IL15: variants seen among roughly 807,000 people sequenced by gnomAD.
IL15 encodes the protein interleukin 15.
A neutral mutation model predicts 19.6 loss-of-function variants in IL15; 11 were observed. The ratio of observed to expected loss-of-function variants is 0.56; its 90% CI spans 0.35 to 0.93. The LOEUF is 0.93. Among genes scored for constraint, IL15 ranks in the 40% least tolerant of loss-of-function variants. IL15 has a pLI of 0.01. For synonymous variants in IL15, 58 were observed against 59.6 expected, an observed-to-expected ratio of 0.97 and a Z score of 0.12; for missense variants, 197 against 186.5, an observed-to-expected ratio of 1.06 and a Z score of -0.33.
chr4:141,712,177 C>G (rs17007561), intron 2 of IL15, among the ~76,000 whole-genome samples: 26,537 of 152,072 alleles, frequency 0.17, 2,822 homozygotes, highest in African/African-American at 0.29. Context: ...GGAATTTCTA[C>G]ACCTATCTAT....
chr4:141,693,016 C>CAAAAAAAAAGAAAAAA (rs1728969023), intron 2 of IL15, among the ~76,000 whole-genome samples: 1 of 23,232 alleles, frequency 4.3e-5, no homozygotes, highest in Non-Finnish European at 7.7e-5. Context: ...GACTCCGTCT[C>CAAAAAAAAAGAAAAAA]AAAAAAAAAA....
intron 2 of IL15, among the ~76,000 whole-genome samples, chr4:141,658,319 T>A (rs966744233): frequency 6.6e-6 from 1 of 151,948 alleles, no homozygotes; most frequent in Non-Finnish European, 1.5e-5. Context: ...CAATTAAACA[T>A]TTTTTTCTTT....
chr4:141,681,268 T>G (rs2152172489), intron 2 of IL15, among the ~76,000 whole-genome samples: 1 of 151,976 alleles, frequency 6.6e-6, no homozygotes, highest in East Asian at 1.9e-4. Flanking sequence ...TTCTAATAAG[T>G]TGGCATGTTT....
At chr4:141,652,961 A>G (rs964728035) in intron 1 of IL15, among the ~76,000 whole-genome samples, 1 of 152,188 alleles carries the variant, frequency 6.6e-6, no homozygotes, top group Non-Finnish European at 1.5e-5. Flanking sequence ...AGCAGGTAAT[A>G]AGAAATGTGC....
intron 2 of IL15, among the ~76,000 whole-genome samples, chr4:141,691,120 C>T (rs1031525972): frequency 1.1e-4 from 1 of 9,024 alleles, no homozygotes; most frequent in African/African-American, 9.2e-4. Flanking sequence ...GAAGCAGGCA[C>T]CTTCTTCACA....
chr4:141,728,390 A>G (rs1396138405), intron 6 of IL15, among the ~76,000 whole-genome samples: 1 of 152,110 alleles, frequency 6.6e-6, no homozygotes, highest in African/African-American at 2.4e-5. Flanking sequence ...ATTGCTTAAA[A>G]TCATTCATGT....
At position 141,732,717 on chromosome 4, in the gene IL15, ATCTC is replaced by A. The variant is rs545619331; in HGVS notation, c.379-15_379-12del. ...AATTTAATTATAAATTGCCAATTTA[ATCTC>A]TCTCTATATTTTGCAGAATGTAACA... On this transcript the variant is annotated splice_polypyrimidine_tract_variant and intron_variant, in intron 7 of 7. Transcript: ENST00000320650. 2 of 1,600,808 alleles carry A rather than the reference ATCTC, an allele frequency of 1.2e-6. No individual in the cohort carries two copies. Among genetic ancestry groups the A allele is most frequent in the Non-Finnish European group, 1.7e-6 (2 of 1,176,720 alleles).
intron 2 of IL15, among the ~76,000 whole-genome samples, chr4:141,680,867 C>G (rs1323351246): frequency 6.6e-6 from 1 of 152,158 alleles, no homozygotes; most frequent in East Asian, 1.9e-4. Flanking sequence ...CTAGGTAGAG[C>G]TCCTCAGAAG....
At chr4:141,652,048 G>A (rs1401681180) in intron 1 of IL15, among the ~76,000 whole-genome samples, 1 of 152,102 alleles carries the variant, frequency 6.6e-6, no homozygotes, top group Non-Finnish European at 1.5e-5. Context: ...CCAAGTGTTT[G>A]ATGTCTACAA....
At chr4:141,655,959 A>G (rs891723927) in intron 1 of IL15, among the ~76,000 whole-genome samples, 1 of 152,206 alleles carries the variant, frequency 6.6e-6, no homozygotes, top group Admixed American at 6.5e-5. Flanking sequence ...CTCCAAAATG[A>G]TGTAGCTTTA....
intron 4 of IL15, 161 bp downstream of exon 4, chr4:141,720,727 G>A: frequency 3.1e-6 from 2 of 639,872 alleles, no homozygotes; most frequent in African/African-American, 1.9e-5. Context: ...AGAGAGGTTT[G>A]GTAAACACCT....
At chr4:141,678,842 C>T (rs562768443) in intron 2 of IL15, among the ~76,000 whole-genome samples, 8 of 152,252 alleles carry the variant, frequency 5.3e-5, no homozygotes, top group East Asian at 3.9e-4. Context: ...CCTTGTGATC[C>T]GCCTGCCCAG....
intron 2 of IL15, among the ~76,000 whole-genome samples, chr4:141,660,144 A>C (rs1377791981): frequency 6.6e-6 from 1 of 152,190 alleles, no homozygotes. Context: ...TGGATAGTCA[A>C]CTGGGGAATG....
chr4:141,679,661 G>A (rs1728470545), intron 2 of IL15, among the ~76,000 whole-genome samples: 1 of 152,094 alleles, frequency 6.6e-6, no homozygotes, highest in Non-Finnish European at 1.5e-5. Flanking sequence ...TAGGATACAT[G>A]ACCAAAATAT....
At chr4:141,682,117 G>A (rs143207259) in intron 2 of IL15, among the ~76,000 whole-genome samples, 189 of 152,190 alleles carry the variant, frequency 1.2e-3, no homozygotes, top group Non-Finnish European at 2.1e-3. Flanking sequence ...TTTTTGTAGC[G>A]TGCCTGTCTC....
At chr4:141,662,416 A>G (rs1407466051) in intron 2 of IL15, among the ~76,000 whole-genome samples, 2 of 152,186 alleles carry the variant, frequency 1.3e-5, no homozygotes, top group African/African-American at 4.8e-5. Context: ...ATAGTTAAGA[A>G]ATGCACACCA....
chr4:141,724,088 A>T (rs1337856898), intron 5 of IL15, among the ~76,000 whole-genome samples: 5 of 152,104 alleles, frequency 3.3e-5, no homozygotes, highest in Non-Finnish European at 7.4e-5. Context: ...AACTTTAAAA[A>T]TTTTTTCAGA....
In IL15 at chr4:141,653,637, TA is replaced by T. The variant is rs1040201540; in HGVS notation, c.-221-2541del. Among the ~76,000 whole-genome samples, 8 of 152,238 alleles carry T rather than the reference TA, an allele frequency of 5.3e-5. No homozygotes were observed. The South Asian group carries it at 1.0e-3, about 20-fold the overall frequency. ...CTTGGATATATGTTCATGCTAATATTAAAAAAAACTTCCCATTCTTTTCTAT... is the reference window on the plus strand; with the variant it reads ...CTTGGATATATGTTCATGCTAATATTAAAAAAACTTCCCATTCTTTTCTAT... On this transcript the variant is annotated intron_variant, in intron 1 of 7. Coordinates refer to ENST00000320650, the MANE Select transcript of IL15 (RefSeq NM_000585.5).
At chr4:141,666,275 C>T (rs971539294) in intron 2 of IL15, among the ~76,000 whole-genome samples, 1 of 148,170 alleles carries the variant, frequency 6.7e-6, no homozygotes, top group African/African-American at 2.5e-5. Flanking sequence ...GGCGTGGTGG[C>T]TCACGCCTGT....
Sources: gnomAD v4.1 joint callset for allele counts (sites outside exome capture counted in the v4.1 genomes callset) on GRCh38, gnomAD v4.1.1 for gene constraint, MANE v1.5 for transcripts, NCBI Gene and HGNC (gene_info 2026-07-23, HGNC 2026-07-21) for gene names.